The following EDAR variants were observed in gnomAD, a reference collection of about 807,000 sequenced individuals.
The protein encoded by EDAR is ectodysplasin A receptor.
EDAR carries 38 observed loss-of-function variants against 51.3 expected under a neutral mutation model. The observed-to-expected ratio is 0.74, with a 90% CI of 0.57 to 0.97. EDAR has a LOEUF of 0.97. Ranked by LOEUF, EDAR falls within the 50% of genes least tolerant of loss-of-function variation. The pLI is 0.00. For missense variants in EDAR, 528 were observed against 595.0 expected (o/e 0.89, Z 1.17); for synonymous variants, 227 against 242.1 (o/e 0.94, Z 0.58).
At chr2:108,948,834 T>G (rs559635254) in intron 1 of EDAR, among the ~76,000 whole-genome samples, 2 of 151,846 alleles carry the variant, frequency 1.3e-5, no homozygotes, top group Non-Finnish European at 2.9e-5. Context: ...AAAAGTAGAG[T>G]TGGCCAGGCA....
intron 11 of EDAR, among the ~76,000 whole-genome samples, chr2:108,897,736 C>T (rs2378217): frequency 0.73 from 111,701 of 152,086 alleles, 43,697 homozygotes; most frequent in East Asian, 0.97. Flanking sequence ...TTGGGCTTCA[C>T]TGTACATTAG....
intron 1 of EDAR, among the ~76,000 whole-genome samples, chr2:108,937,214 A>G (rs1208008521): frequency 1.3e-5 from 2 of 152,210 alleles, no homozygotes; most frequent in Non-Finnish European, 2.9e-5. Flanking sequence ...TTATCACTGC[A>G]CTGAAAATCT....
chr2:108,930,883 T>C (rs1697354243), intron 2 of EDAR, 81 bp downstream of exon 2: 1 of 1,486,752 alleles, frequency 6.7e-7, no homozygotes, highest in South Asian at 1.1e-5. Context: ...CATTCCCATT[T>C]TACAGCTGAA....
At chr2:108,970,247 T>C (rs1698212069) in intron 1 of EDAR, among the ~76,000 whole-genome samples, 1 of 152,036 alleles carries the variant, frequency 6.6e-6, no homozygotes, top group African/African-American at 2.4e-5. Context: ...GAACCCCAGG[T>C]GGTACGCATT....
rs1028615225 is a variant in EDAR at position 108,963,914 on chromosome 2, G to A, written c.-19+25046C>T. On this transcript the variant is annotated intron_variant, in intron 1 of 11. Coordinates refer to ENST00000258443, the MANE Select transcript of EDAR (RefSeq NM_022336.4). ...CATAGACTGAGGAGCCAGTAGGGTC[G>A]GCTCTGGCTGGAGCATGGGCCAATC... is the stretch of plus-strand genomic sequence containing the variant. Among the ~76,000 whole-genome samples, 8 of 152,118 alleles carry A rather than the reference G, an allele frequency of 5.3e-5. No homozygotes were observed. In the East Asian group the frequency reaches 9.7e-4, roughly 18 times the overall value.
chr2:108,940,946 G>A (rs1040143157), intron 1 of EDAR, among the ~76,000 whole-genome samples: 1 of 152,144 alleles, frequency 6.6e-6, no homozygotes, highest in Non-Finnish European at 1.5e-5. Context: ...CTTTGATAAC[G>A]TATATACACC....
intron 1 of EDAR, among the ~76,000 whole-genome samples, chr2:108,980,561 T>C (rs1424946996): frequency 6.6e-6 from 1 of 152,134 alleles, no homozygotes; most frequent in Non-Finnish European, 1.5e-5. Context: ...TGCATATGTA[T>C]AAGTCGTTGA....
chr2:108,897,270 A>C (rs753925812), intron 11 of EDAR, 41 bp from the exon 12 acceptor site: 1 of 1,546,840 alleles, frequency 6.5e-7, no homozygotes, highest in Non-Finnish European at 8.9e-7. Flanking sequence ...TGCAAGTCAC[A>C]GTCAATAGAA....
chr2:108,900,496 G>C (rs1696679399), intron 11 of EDAR, among the ~76,000 whole-genome samples: 1 of 151,572 alleles, frequency 6.6e-6, no homozygotes, highest in Non-Finnish European at 1.5e-5. Context: ...AGAGGTTGCA[G>C]TGAGCCAAGA....
In EDAR at chr2:108,929,061, A is replaced by G; in HGVS notation, c.356+137T>C. On this transcript the variant is annotated intron_variant, in intron 4 of 11. Coordinates refer to ENST00000258443, the MANE Select transcript of EDAR (RefSeq NM_022336.4). ...CGTCCTGGATGCTGCTCCTTGTGGG[A>G]TGGGACCAAGGCCAGGTGTGCGGCT... 5 of 1,014,338 alleles carry G rather than the reference A, an allele frequency of 4.9e-6. No individual in the cohort carries two copies. In the South Asian group the frequency reaches 5.5e-5, roughly 11 times the overall value. The allele number at this position is 1,014,338 out of a possible 1,614,324, so 62.8% of individuals were successfully genotyped here. A position where few individuals can be genotyped will look rare whatever the true frequency, so the allele number is the denominator to read the frequency against.
At chr2:108,912,548 C>A in intron 6 of EDAR, 130 bp downstream of exon 6, 2 of 835,522 alleles carry the variant, frequency 2.4e-6, no homozygotes, top group Non-Finnish European at 4.0e-6. Flanking sequence ...CATTCAATTA[C>A]ATTAGGGAGG....
At chr2:108,954,784 T>C (rs1237922455) in intron 1 of EDAR, among the ~76,000 whole-genome samples, 1 of 152,026 alleles carries the variant, frequency 6.6e-6, no homozygotes, top group Non-Finnish European at 1.5e-5. Context: ...CAAGCGATTC[T>C]CCTGTCTCAG....
Position 108,930,202 on chromosome 2 carries a change from CA to C in EDAR, c.91del (p.Cys31AlafsTer72). On this transcript the variant is annotated frameshift_variant, in exon 3 of 12. Coordinates refer to ENST00000258443, the MANE Select transcript of EDAR (RefSeq NM_022336.4). LOFTEE classifies it high-confidence loss of function. ...MCSARAEYSN[C>X]GENEYYNQTT... The stretch of plus-strand genomic sequence containing the variant: ...CTGGTTGTAGTACTCGTTCTCACCG[CA>C]GTTTGAGTATTCCGCTCGGGCTGAG... 2 of 1,614,128 alleles carry C rather than the reference CA, an allele frequency of 1.2e-6. No individual in the cohort carries two copies. Among genetic ancestry groups the C allele is most frequent in the Non-Finnish European group, 1.7e-6 (2 of 1,180,040 alleles).
intron 1 of EDAR, among the ~76,000 whole-genome samples, chr2:108,931,474 G>C (rs2105449753): frequency 6.6e-6 from 1 of 152,316 alleles, no homozygotes; most frequent in Middle Eastern, 3.4e-3. Context: ...TGCTCTCCCA[G>C]CCCCAGCTTA....
At chr2:108,988,726 A>C (rs1163571914) in intron 1 of EDAR, among the ~76,000 whole-genome samples, 1 of 152,162 alleles carries the variant, frequency 6.6e-6, no homozygotes, top group East Asian at 1.9e-4. Flanking sequence ...TCCCTAACCA[A>C]ATGTGCAACC....
intron 11 of EDAR, among the ~76,000 whole-genome samples, chr2:108,898,166 T>C (rs1268368513): frequency 6.6e-6 from 1 of 152,180 alleles, no homozygotes. Flanking sequence ...CCCCACTCTA[T>C]CCAGGGTAGC....
At chr2:108,985,676 G>T (rs1156642268) in intron 1 of EDAR, among the ~76,000 whole-genome samples, 1 of 152,188 alleles carries the variant, frequency 6.6e-6, no homozygotes, top group Non-Finnish European at 1.5e-5. Flanking sequence ...CAGTGTGTTT[G>T]CCACCCTTGG....
intron 1 of EDAR, among the ~76,000 whole-genome samples, chr2:108,958,218 C>T (rs1216202212): frequency 6.6e-6 from 1 of 152,148 alleles, no homozygotes; most frequent in Non-Finnish European, 1.5e-5. Context: ...TGCACCCTGG[C>T]TGTTTGAAGA....
At chr2:108,969,686 C>A (rs898526421) in intron 1 of EDAR, among the ~76,000 whole-genome samples, 3 of 152,204 alleles carry the variant, frequency 2.0e-5, no homozygotes, top group Admixed American at 6.5e-5. Flanking sequence ...TTACTAAAGG[C>A]ACAGCACCAT....
Sources: gnomAD v4.1 joint callset for allele counts (sites outside exome capture counted in the v4.1 genomes callset) on GRCh38, gnomAD v4.1.1 for gene constraint, MANE v1.5 for transcripts, NCBI Gene and HGNC (gene_info 2026-07-23, HGNC 2026-07-21) for gene names.